Variants in CCSER1 observed in about 807,000 individuals in gnomAD.
CCSER1 encodes coiled-coil serine rich protein 1, also known as serine-rich coiled-coil domain-containing protein 1.
CCSER1 carries 41 observed loss-of-function variants against 82.0 expected under a neutral mutation model. That is an observed-to-expected ratio of 0.50 (90% CI 0.39 to 0.65). The LOEUF (loss-of-function observed/expected upper bound fraction) is 0.65. Among genes scored for constraint, CCSER1 ranks in the 30% least tolerant of loss-of-function variants. The pLI is 0.00. For synonymous variants in CCSER1, 414 were observed against 383.9 expected (o/e 1.08, Z -0.92); for missense variants, 1,119 against 1,064.2 (o/e 1.05, Z -0.72).
At chr4:91,029,690 G>C (rs1017003596) in intron 9 of CCSER1, among the ~76,000 whole-genome samples, 2 of 151,946 alleles carry the variant, frequency 1.3e-5, no homozygotes, top group East Asian at 1.9e-4. Context: ...TCTTAAGTAG[G>C]TTACCTAATT....
At chr4:90,483,694 A>T (rs1290264704) in intron 5 of CCSER1, among the ~76,000 whole-genome samples, 8 of 152,316 alleles carry the variant, frequency 5.3e-5, no homozygotes, top group Admixed American at 3.9e-4. Context: ...AATGTTGAAT[A>T]TTGGCCCCCA....
intron 10 of CCSER1, among the ~76,000 whole-genome samples, chr4:91,212,776 G>T (rs377177616): frequency 6.6e-6 from 1 of 151,992 alleles, no homozygotes; most frequent in Non-Finnish European, 1.5e-5. Flanking sequence ...ACATGTGCAG[G>T]TTTGTTACAT....
At chr4:90,838,906 C>T (rs369948815) in intron 8 of CCSER1, 4 of 1,613,196 alleles carry the variant, frequency 2.5e-6, no homozygotes, top group Non-Finnish European at 3.4e-6. Flanking sequence ...CGCCTCATTA[C>T]GATTCGCCTG....
At chr4:90,407,886 C>T (rs1300228671) in intron 4 of CCSER1, among the ~76,000 whole-genome samples, 1 of 152,120 alleles carries the variant, frequency 6.6e-6, no homozygotes, top group African/African-American at 2.4e-5. Context: ...CTTTCCTAGT[C>T]AAAGAAAGGG....
chr4:90,298,277 A>G (rs28756428), intron 1 of CCSER1, among the ~76,000 whole-genome samples: 5,708 of 151,868 alleles, frequency 0.038, 303 homozygotes, highest in African/African-American at 0.12. Context: ...TAGTTTATTT[A>G]TGTAGGGGTG....
intron 10 of CCSER1, among the ~76,000 whole-genome samples, chr4:91,164,302 G>T (rs1453787051): frequency 1.3e-5 from 2 of 152,184 alleles, no homozygotes; most frequent in Non-Finnish European, 2.9e-5. Flanking sequence ...GGGATCTACT[G>T]TTAGTCTGAT....
At chr4:90,901,462 A>G (rs1359912550) in intron 8 of CCSER1, among the ~76,000 whole-genome samples, 1 of 151,892 alleles carries the variant, frequency 6.6e-6, no homozygotes, top group Admixed American at 6.6e-5. Flanking sequence ...ATTCCTTTGA[A>G]CATTTATTAT....
intron 6 of CCSER1, among the ~76,000 whole-genome samples, chr4:90,699,854 A>G (rs1228338640): frequency 6.6e-6 from 1 of 152,106 alleles, no homozygotes; most frequent in Non-Finnish European, 1.5e-5. Context: ...TAGTGCCCTT[A>G]TAAATAAACC....
chr4:90,552,771 T>A (rs537154376), intron 5 of CCSER1, among the ~76,000 whole-genome samples: 1 of 152,112 alleles, frequency 6.6e-6, no homozygotes, highest in Non-Finnish European at 1.5e-5. Flanking sequence ...ATTAAGCTTT[T>A]CAAAGCTTTT....
intron 1 of CCSER1, among the ~76,000 whole-genome samples, chr4:90,210,406 GT>G (rs1321449515): frequency 1.3e-5 from 2 of 151,320 alleles, no homozygotes; most frequent in African/African-American, 2.4e-5. Context: ...TGTTGTATGA[GT>G]TTCAGGTATT....
chr4:90,562,366 A>G (rs1052912417), intron 5 of CCSER1, among the ~76,000 whole-genome samples: 2 of 152,040 alleles, frequency 1.3e-5, no homozygotes, highest in African/African-American at 4.8e-5. Context: ...ACTCTTTCCA[A>G]TAAACGTCTG....
intron 3 of CCSER1, among the ~76,000 whole-genome samples, chr4:90,333,108 A>G (rs1177468042): frequency 1.3e-5 from 2 of 152,192 alleles, no homozygotes; most frequent in Admixed American, 6.5e-5. Context: ...TACATGTGTA[A>G]TATATTGTTC....
At chr4:91,470,195 T>C (rs890976785) in intron 10 of CCSER1, among the ~76,000 whole-genome samples, 1 of 152,204 alleles carries the variant, frequency 6.6e-6, no homozygotes, top group Non-Finnish European at 1.5e-5. Context: ...AATGTTGAAT[T>C]TGAAGTGAAG....
chr4:90,976,619 A>G (rs578025871), intron 9 of CCSER1, among the ~76,000 whole-genome samples: 9 of 151,588 alleles, frequency 5.9e-5, no homozygotes, highest in South Asian at 2.1e-4. Context: ...ATTATTTATA[A>G]TACTGAAAGT....
chr4:90,595,324 T>G (rs2148715340), intron 5 of CCSER1, among the ~76,000 whole-genome samples: 1 of 152,098 alleles, frequency 6.6e-6, no homozygotes, highest in African/African-American at 2.4e-5. Flanking sequence ...TGAAATAAAC[T>G]AATAAGAACG....
At chr4:91,354,388 C>G (rs1019740329) in intron 10 of CCSER1, among the ~76,000 whole-genome samples, 2 of 152,176 alleles carry the variant, frequency 1.3e-5, no homozygotes, top group African/African-American at 4.8e-5. Flanking sequence ...GCTACCTGTC[C>G]ACTGATCAGG....
intron 5 of CCSER1, among the ~76,000 whole-genome samples, chr4:90,536,466 C>T (rs936105008): frequency 1.3e-5 from 2 of 152,170 alleles, no homozygotes; most frequent in African/African-American, 4.8e-5. Context: ...CATGGCTCAT[C>T]CATGTTAATG....
Position 90,333,569 on chromosome 4 carries a change from T to C in CCSER1, c.1509+20522T>C, listed in dbSNP as rs28735788. Among the ~76,000 whole-genome samples, 1,092 of 152,324 alleles carry C rather than the reference T, an allele frequency of 7.2e-3. 10 individuals are homozygous for C. The highest frequency in any genetic ancestry group is 0.025 in the African/African-American group (1,054 of 41,588). On this transcript the variant is annotated intron_variant, in intron 3 of 10. Coordinates refer to ENST00000509176, the MANE Select transcript of CCSER1 (RefSeq NM_001145065.2). ...GACATGCCTGGTCTTAATCAGACCGTGAAGTTACTTCTCCAGCAATGCAGT... is the reference window on the plus strand; with the variant it reads ...GACATGCCTGGTCTTAATCAGACCGCGAAGTTACTTCTCCAGCAATGCAGT...
chr4:90,610,834 G>T (rs1785373030), intron 5 of CCSER1, among the ~76,000 whole-genome samples: 1 of 152,070 alleles, frequency 6.6e-6, no homozygotes, highest in Non-Finnish European at 1.5e-5. Context: ...AATGAGATGA[G>T]AAAAATTTGA....
Sources: allele counts gnomAD v4.1 joint callset (sites outside exome capture counted in the v4.1 genomes callset), GRCh38; gene constraint gnomAD v4.1.1; transcripts MANE v1.5; gene names NCBI Gene and HGNC (gene_info 2026-07-23, HGNC 2026-07-21).